The following SETBP1 variants were observed in gnomAD, a reference collection of about 807,000 sequenced individuals.
SETBP1 encodes SET binding protein 1.
SETBP1 carries 9 observed loss-of-function variants against 101.0 expected under a neutral mutation model. The ratio of observed to expected loss-of-function variants is 0.09; its 90% CI spans 0.05 to 0.16. The LOEUF is 0.16. Among genes scored for constraint, SETBP1 ranks in the 10% least tolerant of loss-of-function variants. The probability of loss-of-function intolerance (pLI) is 1.00; values close to 1 mark genes in which losing one functional copy is unlikely to be tolerated. For missense variants in SETBP1, 1,858 were observed against 2,033.8 expected (o/e 0.91, Z 1.66); for synonymous variants, 818 against 788.5 (o/e 1.04, Z -0.63).
intron 4 of SETBP1, among the ~76,000 whole-genome samples, chr18:44,975,610 AAG>A: frequency 6.6e-6 from 1 of 152,336 alleles, no homozygotes; most frequent in East Asian, 1.9e-4. Flanking sequence ...TGTGAAAAAA[AAG>A]AGTTTGATTA....
chr18:44,925,476 G>A (rs2070686418), intron 3 of SETBP1, among the ~76,000 whole-genome samples: 1 of 152,158 alleles, frequency 6.6e-6, no homozygotes, highest in Non-Finnish European at 1.5e-5. Context: ...GGAGCTAGAA[G>A]TTTACTGCCA....
chr18:44,800,330 G>T (rs1021799674), intron 2 of SETBP1, among the ~76,000 whole-genome samples: 2 of 152,200 alleles, frequency 1.3e-5, no homozygotes, highest in Admixed American at 6.5e-5. Flanking sequence ...TTTGGGGGCT[G>T]GGAGTCCTTT....
intron 2 of SETBP1, among the ~76,000 whole-genome samples, chr18:44,742,961 C>T (rs1449846118): frequency 7.0e-6 from 1 of 143,664 alleles, no homozygotes; most frequent in East Asian, 2.1e-4. Context: ...CTCTCTCTCT[C>T]TCTCTCTCTC....
chr18:45,017,250 A>G (rs2072966625), intron 4 of SETBP1, among the ~76,000 whole-genome samples: 1 of 152,162 alleles, frequency 6.6e-6, no homozygotes, highest in African/African-American at 2.4e-5. Flanking sequence ...CTTTCTCAGA[A>G]GGAGTGGAAG....
chr18:45,057,259 A>C lies in SETBP1; in HGVS notation c.4172-5820A>C, dbSNP rs141384766. ...TAGAAGGTTAATTTAAATTCTAAGG[A>C]TGGAAGAAGAAAGTTTGCATGCCAA... is the stretch of plus-strand genomic sequence containing the variant. On this transcript the variant is annotated intron_variant, in intron 5 of 5. Coordinates refer to ENST00000649279, the MANE Select transcript of SETBP1 (RefSeq NM_015559.3). Among the ~76,000 whole-genome samples, 207 of 152,230 alleles carry C rather than the reference A, an allele frequency of 1.4e-3. 2 individuals carry two copies. Among genetic ancestry groups the C allele is most frequent in the African/African-American group, 4.9e-3 (203 of 41,544 alleles).
At chr18:44,825,848 T>C (rs1447829789) in intron 2 of SETBP1, among the ~76,000 whole-genome samples, 1 of 152,250 alleles carries the variant, frequency 6.6e-6, no homozygotes, top group Non-Finnish European at 1.5e-5. Flanking sequence ...GGAATAAGTA[T>C]GGTCCTTGGT....
At chr18:44,999,104 A>AT (rs959058840) in intron 4 of SETBP1, among the ~76,000 whole-genome samples, 34 of 150,820 alleles carry the variant, frequency 2.3e-4, no homozygotes, top group African/African-American at 6.1e-4. Flanking sequence ...AGCTCACAGA[A>AT]TTTTTTTTTT....
rs555337928 is a variant in SETBP1, at chr18:44,778,441, A to AT, written c.486+76610dup. 1.1e-4 allele frequency among the ~76,000 whole-genome samples: 16 copies of AT among 152,358 alleles called. No homozygotes were observed. In the South Asian group the frequency reaches 3.3e-3, roughly 32 times the overall value. ...TCAGTGAGGCTTTGATGTCACTTGC[A>AT]TAACATTTTCCTAAAGAACTGTCAA... is the stretch of plus-strand genomic sequence containing the variant. On this transcript the variant is annotated intron_variant, in intron 2 of 5. Coordinates refer to ENST00000649279, the MANE Select transcript of SETBP1 (RefSeq NM_015559.3).
intron 3 of SETBP1, among the ~76,000 whole-genome samples, chr18:44,900,596 T>A (rs1454371081): frequency 6.6e-6 from 1 of 152,220 alleles, no homozygotes; most frequent in African/African-American, 2.4e-5. Context: ...GAAAAATTCG[T>A]TCACAATGAA....
At position 45,010,876 on chromosome 18, in the gene SETBP1, A is replaced by G. The variant is rs185137652; in HGVS notation, c.4001-27609A>G. 2.1e-4 allele frequency among the ~76,000 whole-genome samples: 32 copies of G among 152,370 alleles called. 1 individual carries two copies. Among genetic ancestry groups the G allele is most frequent in the African/African-American group, 7.2e-4 (30 of 41,594 alleles). Reference sequence around the variant, plus strand: ...GTAATTTCTCGAGGTCATGGTTGTCATAGCTGGTGCGGACTTATTCTGGAG... The same window carrying G: ...GTAATTTCTCGAGGTCATGGTTGTCGTAGCTGGTGCGGACTTATTCTGGAG... On this transcript the variant is annotated intron_variant, in intron 4 of 5. Transcript: ENST00000649279.
At chr18:44,937,714 A>G (rs1440699285) in intron 3 of SETBP1, among the ~76,000 whole-genome samples, 1 of 152,124 alleles carries the variant, frequency 6.6e-6, no homozygotes, top group African/African-American at 2.4e-5. Context: ...CTGGGAGCTT[A>G]TTAGAAATGC....
intron 4 of SETBP1, among the ~76,000 whole-genome samples, chr18:45,006,949 A>G (rs1191301658): frequency 6.6e-6 from 1 of 152,204 alleles, no homozygotes; most frequent in Non-Finnish European, 1.5e-5. Context: ...AGCCACAAAC[A>G]TATGGTCTGT....
chr18:44,712,702 T>C (rs772222340), intron 2 of SETBP1, among the ~76,000 whole-genome samples: 3 of 152,076 alleles, frequency 2.0e-5, no homozygotes, highest in Non-Finnish European at 4.4e-5. Flanking sequence ...TGTTTCTGAT[T>C]GGGCTTGCGT....
intron 3 of SETBP1, among the ~76,000 whole-genome samples, chr18:44,908,395 T>G (rs1203997567): frequency 6.6e-6 from 1 of 152,132 alleles, no homozygotes; most frequent in Admixed American, 6.5e-5. Flanking sequence ...CTTCTCCACT[T>G]TCTTCTTTTG....
intron 2 of SETBP1, among the ~76,000 whole-genome samples, chr18:44,721,630 G>T (rs1432275584): frequency 8.8e-6 from 1 of 113,114 alleles, no homozygotes; most frequent in Non-Finnish European, 1.7e-5. Flanking sequence ...GTCGGGGGCG[G>T]GGGAGAAGTC....
At chr18:44,708,600 T>C (rs933200814) in intron 2 of SETBP1, among the ~76,000 whole-genome samples, 6 of 152,158 alleles carry the variant, frequency 3.9e-5, no homozygotes, top group Admixed American at 2.0e-4. Context: ...GCATTGGACA[T>C]GTCAGCTGAA....
intron 2 of SETBP1, among the ~76,000 whole-genome samples, chr18:44,866,476 C>A (rs1480973171): frequency 6.6e-6 from 1 of 152,216 alleles, no homozygotes; most frequent in Non-Finnish European, 1.5e-5. Context: ...AGACTCTTCT[C>A]AACACATTGA....
intron 3 of SETBP1, among the ~76,000 whole-genome samples, chr18:44,916,648 CA>C (rs573378308): frequency 3.3e-5 from 5 of 151,778 alleles, no homozygotes; most frequent in Non-Finnish European, 7.4e-5. Context: ...ATCCAAGAAA[CA>C]GCCCAGACAC....
chr18:45,049,749 A>G (rs981634127), intron 5 of SETBP1, among the ~76,000 whole-genome samples: 2 of 152,208 alleles, frequency 1.3e-5, no homozygotes, highest in African/African-American at 4.8e-5. Context: ...GTGCAGGAAC[A>G]GTTAATCTAG....
Sources: gnomAD v4.1 joint callset for allele counts (sites outside exome capture counted in the v4.1 genomes callset) on GRCh38, gnomAD v4.1.1 for gene constraint, MANE v1.5 for transcripts, NCBI Gene and HGNC (gene_info 2026-07-23, HGNC 2026-07-21) for gene names.